ATP6V1A: variants seen among roughly 807,000 people sequenced by gnomAD.
The protein encoded by ATP6V1A is ATPase H+ transporting V1 subunit A, also known as V-type proton ATPase catalytic subunit A.
In ATP6V1A, 18 loss-of-function variants were observed where a neutral mutation model predicts 70.1. The ratio of observed to expected loss-of-function variants is 0.26; its 90% CI spans 0.18 to 0.38. ATP6V1A has a LOEUF of 0.38. Ranked by LOEUF, ATP6V1A falls within the 10% of genes least tolerant of loss-of-function variation. ATP6V1A has a pLI of 1.00. For synonymous variants in ATP6V1A, 232 were observed against 253.8 expected (o/e 0.91, Z 0.82); for missense variants, 424 against 772.4 (o/e 0.55, Z 5.35).
intron 1 of ATP6V1A, among the ~76,000 whole-genome samples, chr3:113,778,278 C>T (rs1449683023): frequency 6.6e-6 from 1 of 152,112 alleles, no homozygotes; most frequent in African/African-American, 2.4e-5. Flanking sequence ...CCTGTAATTC[C>T]AGCTACCCTG....
intron 2 of ATP6V1A, 157 bp downstream of exon 2, chr3:113,778,992 C>A: frequency 2.2e-6 from 1 of 448,654 alleles, no homozygotes; most frequent in East Asian, 3.6e-5. Flanking sequence ...GAAGTAGAAT[C>A]TCTGTCATAA....
intron 5 of ATP6V1A, among the ~76,000 whole-genome samples, chr3:113,785,822 A>G (rs945974881): frequency 2.1e-5 from 3 of 144,292 alleles, no homozygotes; most frequent in African/African-American, 7.7e-5. Flanking sequence ...GCCTTTACTT[A>G]TATTTAACTA....
intron 1 of ATP6V1A, among the ~76,000 whole-genome samples, chr3:113,775,449 C>T (rs771728076): frequency 1.4e-4 from 22 of 152,144 alleles, no homozygotes; most frequent in Non-Finnish European, 2.4e-4. Flanking sequence ...AGGCAAGTCT[C>T]GAACTTCTGA....
At chr3:113,791,212 TCTCTA>T (rs1446305437) in intron 8 of ATP6V1A, among the ~76,000 whole-genome samples, 1 of 152,142 alleles carries the variant, frequency 6.6e-6, no homozygotes, top group Admixed American at 6.5e-5. Context: ...CATCATTTCC[TCTCTA>T]CTCCTTTTTA....
chr3:113,783,847 T>G (rs2108029322), intron 3 of ATP6V1A, among the ~76,000 whole-genome samples: 1 of 152,356 alleles, frequency 6.6e-6, no homozygotes, highest in African/African-American at 2.4e-5. Context: ...CCAATCTGAT[T>G]GCAAGATTGG....
At chr3:113,805,706 C>T (rs183317004) in intron 14 of ATP6V1A, among the ~76,000 whole-genome samples, 181 bp downstream of exon 14, 370 of 152,150 alleles carry the variant, frequency 2.4e-3, no homozygotes, top group Non-Finnish European at 4.2e-3. Flanking sequence ...ATAGCTGGGA[C>T]GACAGGTGCG....
chr3:113,777,300 A>C (rs2108024341), intron 1 of ATP6V1A, among the ~76,000 whole-genome samples: 1 of 152,384 alleles, frequency 6.6e-6, no homozygotes, highest in South Asian at 2.1e-4. Flanking sequence ...CTCATAGTTA[A>C]AATTTAAAGA....
chr3:113,769,832 G>A (rs988973547), intron 1 of ATP6V1A, among the ~76,000 whole-genome samples: 3 of 152,086 alleles, frequency 2.0e-5, no homozygotes, highest in African/African-American at 7.2e-5. Context: ...TTCACAAATT[G>A]GGTAGGGAGG....
At chr3:113,784,465 G>A (rs371712324) in intron 4 of ATP6V1A, 27 bp downstream of exon 4, 5 of 1,555,464 alleles carry the variant, frequency 3.2e-6, no homozygotes, top group Non-Finnish European at 4.4e-6. Context: ...AAGAATTTCT[G>A]AAGTTATTGA....
At chr3:113,796,825 A>C (rs551538243) in intron 11 of ATP6V1A, among the ~76,000 whole-genome samples, 2 of 152,332 alleles carry the variant, frequency 1.3e-5, no homozygotes, top group Admixed American at 1.3e-4. Flanking sequence ...CAGAGTTAGA[A>C]ATGCATGGAA....
chr3:113,809,436 A>G lies in ATP6V1A; in HGVS notation c.*9A>G. The G allele has an allele frequency of 6.2e-7, 1 of 1,609,762 alleles. No individual in the cohort carries two copies. ...GTAGCCTTGAAGATTAGAAGCCTTGAAGATTACAACTGTGATTTCCTTTTC... is the reference window on the plus strand; with the variant it reads ...GTAGCCTTGAAGATTAGAAGCCTTGGAGATTACAACTGTGATTTCCTTTTC... On this transcript the variant is annotated 3_prime_UTR_variant, in exon 15 of 15. Transcript: ENST00000273398.
chr3:113,798,001 C>T (rs765426728), intron 11 of ATP6V1A, among the ~76,000 whole-genome samples: 19 of 151,928 alleles, frequency 1.3e-4, no homozygotes, highest in Non-Finnish European at 2.5e-4. Flanking sequence ...GGCCTGATGG[C>T]GCATGCTTGT....
At chr3:113,797,379 A>C (rs920794413) in intron 11 of ATP6V1A, among the ~76,000 whole-genome samples, 2 of 151,866 alleles carry the variant, frequency 1.3e-5, no homozygotes, top group Non-Finnish European at 2.9e-5. Context: ...CAGCCTCCCA[A>C]GTAAGCTGGC....
intron 1 of ATP6V1A, among the ~76,000 whole-genome samples, chr3:113,765,541 G>T (rs1708759022): frequency 1.3e-5 from 2 of 151,988 alleles, no homozygotes; most frequent in African/African-American, 4.8e-5. Context: ...GGAGGTGGAG[G>T]TTGCAGTGAA....
chr3:113,794,943 T>C lies in ATP6V1A; in HGVS notation c.1060T>C (p.Trp354Arg). Reference sequence around the variant, plus strand: ...TATGATGGCTGACTCTACCTCTAGATGGGCTGAGGCCCTTAGAGAAATCTC... The same window carrying C: ...TATGATGGCTGACTCTACCTCTAGACGGGCTGAGGCCCTTAGAGAAATCTC... ...VSMMADSTSR[W>R]AEALREISGR... Residue 354 changes from tryptophan (W) to arginine (R), a missense_variant, in exon 9 of 15, where the codon TGG (tryptophan) becomes CGG (arginine). This residue lies in a region of ATP6V1A where 58 missense variants were observed against 181.5 expected (regional missense o/e 0.32). Coordinates refer to ENST00000273398, the MANE Select transcript of ATP6V1A (RefSeq NM_001690.4). The C allele has an allele frequency of 6.2e-7, 1 of 1,614,176 alleles. No homozygotes were observed. The highest frequency in any genetic ancestry group is 8.5e-7 in the Non-Finnish European group (1 of 1,179,992).
At chr3:113,797,276 G>T (rs1302546052) in intron 11 of ATP6V1A, among the ~76,000 whole-genome samples, 8 of 147,406 alleles carry the variant, frequency 5.4e-5, no homozygotes, top group African/African-American at 2.0e-4. Context: ...TTTTGAGATG[G>T]AATCTCACCC....
At chr3:113,789,473 T>C (rs1709069586) in intron 7 of ATP6V1A, among the ~76,000 whole-genome samples, 1 of 152,210 alleles carries the variant, frequency 6.6e-6, no homozygotes, top group African/African-American at 2.4e-5. Context: ...ATGTGTGATT[T>C]ATGATCTAGA....
intron 1 of ATP6V1A, among the ~76,000 whole-genome samples, chr3:113,757,951 C>G (rs1708663423): frequency 6.6e-6 from 1 of 152,198 alleles, no homozygotes; most frequent in Non-Finnish European, 1.5e-5. Flanking sequence ...TGAGACCATC[C>G]TGGCCAACAT....
chr3:113,754,834 C>A (rs1024128027), intron 1 of ATP6V1A, among the ~76,000 whole-genome samples: 2 of 152,142 alleles, frequency 1.3e-5, no homozygotes, highest in African/African-American at 4.8e-5. Context: ...ATAAAAAGTA[C>A]TTATAATTGT....
Sources: allele counts gnomAD v4.1 joint callset (sites outside exome capture counted in the v4.1 genomes callset), GRCh38; gene constraint gnomAD v4.1.1; regional missense constraint gnomAD v4.1.1; transcripts MANE v1.5; gene names NCBI Gene and HGNC (gene_info 2026-07-23, HGNC 2026-07-21).